The following HELZ variants were observed in gnomAD, a reference collection of about 807,000 sequenced individuals.
HELZ encodes the protein helicase with zinc finger, also known as ATP-dependent RNA helicase with zinc finger domain.
HELZ carries 23 observed loss-of-function variants against 218.2 expected under a neutral mutation model. The ratio of observed to expected loss-of-function variants is 0.11; its 90% CI spans 0.08 to 0.15. HELZ has a LOEUF of 0.15. Ranked by LOEUF, HELZ falls within the 10% of genes least tolerant of loss-of-function variation. The pLI, the probability that HELZ is intolerant of heterozygous loss-of-function variation, is 1.00. For missense variants in HELZ, 1,813 were observed against 2,353.7 expected (o/e 0.77, Z 4.75); for synonymous variants, 814 against 829.4 (o/e 0.98, Z 0.32).
intron 6 of HELZ, among the ~76,000 whole-genome samples, chr17:67,202,208 TTTC>T (rs2040186160): frequency 6.6e-6 from 1 of 152,058 alleles, no homozygotes; most frequent in Non-Finnish European, 1.5e-5. Context: ...TATCAACAAA[TTTC>T]TTAAGTTACG....
At chr17:67,216,348 A>G (rs2040600223) in intron 4 of HELZ, among the ~76,000 whole-genome samples, 1 of 152,052 alleles carries the variant, frequency 6.6e-6, no homozygotes, top group Non-Finnish European at 1.5e-5. Context: ...AAGTCAACCT[A>G]CGCCTGTGCA....
At chr17:67,238,797 G>A (rs1346818267) in intron 3 of HELZ, among the ~76,000 whole-genome samples, 1 of 152,170 alleles carries the variant, frequency 6.6e-6, no homozygotes, top group Non-Finnish European at 1.5e-5. Flanking sequence ...GAAAGACGAA[G>A]ACACCATAGC....
intron 5 of HELZ, among the ~76,000 whole-genome samples, chr17:67,204,060 C>T (rs2040236004): frequency 6.6e-6 from 1 of 152,164 alleles, no homozygotes; most frequent in Admixed American, 6.5e-5. Flanking sequence ...TTTCTCACAG[C>T]AACTGCTAAT....
chr17:67,107,283 T>G lies in HELZ; in HGVS notation c.5127A>C (p.Pro1709=), dbSNP rs752766399. The change falls in exon 31 of 33, where the codon CCA becomes CCC. Residue 1709 remains proline, a synonymous_variant. Transcript: ENST00000358691. ...GTATTTGTACAAAAGGGTTCTGCGG[T>G]GGCCTGTGAGGCAATGGAGGTAGGC... ...PYGLPPLPHR[P]PQNPFVQIQN... 7.4e-6 allele frequency: 12 copies of G among 1,614,202 alleles called. No homozygotes were observed. Among genetic ancestry groups the G allele is most frequent in the Non-Finnish European group, 8.5e-6 (10 of 1,180,032 alleles).
At chr17:67,196,643 T>G in intron 7 of HELZ, among the ~76,000 whole-genome samples, 1 of 122,046 alleles carries the variant, frequency 8.2e-6, no homozygotes, top group Admixed American at 8.8e-5. Context: ...GGTGGGTGGA[T>G]GGGAACATGG....
chr17:67,189,578 A>C lies in HELZ; in HGVS notation c.864+11T>G. 2 of 1,578,024 alleles carry C rather than the reference A, an allele frequency of 1.3e-6. No homozygotes were observed. Among genetic ancestry groups the C allele is most frequent in the Non-Finnish European group, 1.7e-6 (2 of 1,149,180 alleles). ...ACAACTTTTATGCTTTAACTAGCAC[A>C]AAATTCATACCTTACAAGTGAGAGC... On this transcript the variant is annotated intron_variant, in intron 11 of 32. Transcript: ENST00000358691.
At chr17:67,209,091 T>G (rs1161340792) in intron 5 of HELZ, among the ~76,000 whole-genome samples, 1 of 144,678 alleles carries the variant, frequency 6.9e-6, no homozygotes, top group South Asian at 2.2e-4. Context: ...GTTGTTGAAC[T>G]GCGTCTCTAT....
intron 17 of HELZ, among the ~76,000 whole-genome samples, chr17:67,154,579 G>C (rs1026905222): frequency 6.6e-5 from 10 of 152,048 alleles, no homozygotes; most frequent in African/African-American, 2.4e-4. Context: ...GCTATTAAAA[G>C]TCAGCTTTAA....
At chr17:67,098,545 G>A (rs969683128) in intron 31 of HELZ, among the ~76,000 whole-genome samples, 6 of 151,484 alleles carry the variant, frequency 4.0e-5, no homozygotes, top group Admixed American at 3.9e-4. Context: ...GACCAGCCTG[G>A]CCAACGTGGT....
chr17:67,180,069 C>G (rs1231707053), intron 12 of HELZ, among the ~76,000 whole-genome samples: 2 of 152,128 alleles, frequency 1.3e-5, no homozygotes, highest in East Asian at 3.9e-4. Flanking sequence ...AATTTCTAAC[C>G]TTTGCTCCTT....
At chr17:67,238,703 T>C (rs2041250080) in intron 3 of HELZ, among the ~76,000 whole-genome samples, 2 of 152,146 alleles carry the variant, frequency 1.3e-5, no homozygotes. Context: ...ATAATAATAA[T>C]TTTAACTCTG....
At chr17:67,090,240 C>T (rs2036538590) in intron 31 of HELZ, among the ~76,000 whole-genome samples, 1 of 152,132 alleles carries the variant, frequency 6.6e-6, no homozygotes, top group Non-Finnish European at 1.5e-5. Flanking sequence ...CCACACCAGC[C>T]TTGCATTCTA....
intron 13 of HELZ, among the ~76,000 whole-genome samples, chr17:67,175,299 G>C (rs555367674): frequency 1.3e-4 from 20 of 152,212 alleles, no homozygotes; most frequent in African/African-American, 4.6e-4. Flanking sequence ...TTTATTATCT[G>C]ACCCTTTACA....
intron 2 of HELZ, among the ~76,000 whole-genome samples, chr17:67,242,893 G>C (rs566950285): frequency 1.7e-4 from 26 of 149,088 alleles, no homozygotes; most frequent in East Asian, 7.9e-4. Flanking sequence ...TGATAGACAC[G>C]AAAAATTTGT....
chr17:67,075,183 C>G lies in HELZ; in HGVS notation c.*3069G>C, dbSNP rs566957380. 2 of 152,086 alleles carry G rather than the reference C, an allele frequency of 1.3e-5. No individual in the cohort carries two copies. The highest frequency in any genetic ancestry group is 1.3e-4 in the Admixed American group (2 of 15,280). The allele number at this position is 152,086 out of a possible 1,614,324, so 9.4% of individuals were successfully genotyped here. A position where few individuals can be genotyped will look rare whatever the true frequency, so the allele number is the denominator to read the frequency against. ...AGCATGAAGGCTCACTTTACAAACT[C>G]TATCATCCAAAATATCGTCTTTCAG... On this transcript the variant is annotated 3_prime_UTR_variant, in exon 33 of 33. Coordinates refer to ENST00000358691, the MANE Select transcript of HELZ (RefSeq NM_014877.4).
At position 67,183,936 on chromosome 17, in the gene HELZ, GA is replaced by G. The variant is rs572453540; in HGVS notation, c.1162+4382del. On this transcript the variant is annotated intron_variant, in intron 12 of 32. Transcript: ENST00000358691. ...TTTCAGGATTGCCAAAATGACTAGA[GA>G]AAAAAAATATTTGTTCATGGCCTAC... Among the ~76,000 whole-genome samples, 12 of 150,666 alleles carry G rather than the reference GA, an allele frequency of 8.0e-5. No homozygotes were observed. In the South Asian group the frequency reaches 2.3e-3, roughly 29 times the overall value.
At chr17:67,222,481 G>A (rs1223122519) in intron 3 of HELZ, among the ~76,000 whole-genome samples, 5 of 152,144 alleles carry the variant, frequency 3.3e-5, no homozygotes, top group Non-Finnish European at 5.9e-5. Context: ...GGAGCTTTGA[G>A]AGGAAATGAC....
rs529774311 is a variant in HELZ at position 67,141,427 on chromosome 17, A to G, written c.2770-3313T>C. On this transcript the variant is annotated intron_variant, in intron 21 of 32. Transcript: ENST00000358691. ...CCTTCTCTTAGAATTTTTAAAAAACATAAAATTATATAAAGTAATAATTAT... is the reference window on the plus strand; with the variant it reads ...CCTTCTCTTAGAATTTTTAAAAAACGTAAAATTATATAAAGTAATAATTAT... Among the ~76,000 whole-genome samples the G allele has an allele frequency of 5.3e-5, 8 of 151,846 alleles. No homozygotes were observed. In the South Asian group the frequency reaches 1.7e-3, roughly 32 times the overall value.
chr17:67,225,016 G>A, intron 3 of HELZ: 1 of 683,352 alleles, frequency 1.5e-6, no homozygotes, highest in Non-Finnish European at 2.7e-6. Context: ...GGAGATAAGA[G>A]AAAGGGTCAA....
Sources: gnomAD v4.1 joint callset for allele counts (sites outside exome capture counted in the v4.1 genomes callset) on GRCh38, gnomAD v4.1.1 for gene constraint, MANE v1.5 for transcripts, NCBI Gene and HGNC (gene_info 2026-07-23, HGNC 2026-07-21) for gene names.